The following ATXN7L3 variants were observed in gnomAD, a reference collection of about 807,000 sequenced individuals.
ATXN7L3 encodes the protein ataxin 7 like 3, also known as ataxin-7-like protein 3.
A neutral mutation model predicts 50.0 loss-of-function variants in ATXN7L3; 6 were observed. The observed-to-expected ratio is 0.12, with a 90% confidence interval of 0.07 to 0.24. ATXN7L3 has a LOEUF of 0.24. Among genes scored for constraint, ATXN7L3 ranks in the 10% least tolerant of loss-of-function variants. ATXN7L3 has a pLI of 1.00. For missense variants in ATXN7L3, 322 were observed against 451.3 expected (o/e 0.71, Z 2.60); for synonymous variants, 198 against 165.8 (o/e 1.19, Z -1.49).
intron 1 of ATXN7L3, chr17:44,198,396 C>T (rs1193311703): frequency 3.1e-6 from 1 of 325,514 alleles, no homozygotes; most frequent in African/African-American, 2.2e-5. Flanking sequence ...CCTAGGTCCC[C>T]AAAACTCAAA....
chr17:44,194,717 T>A (rs372462540), intron 11 of ATXN7L3, 43 bp from the exon 12 acceptor site: 3 of 1,613,362 alleles, frequency 1.9e-6, no homozygotes, highest in Non-Finnish European at 2.5e-6. Context: ...GAGATAGTGA[T>A]CATCGCCCTA....
Position 44,198,182 on chromosome 17 carries a change from G to T in ATXN7L3, c.-60-52C>A, listed in dbSNP as rs2055992153. ...TTGTGAGTCCAAGGCACCTCTGAAT[G>T]CGGCCACCTTCCCTCCCCACCTCGC... is the stretch of plus-strand genomic sequence containing the variant. On this transcript the variant is annotated intron_variant, in intron 1 of 12. Transcript: ENST00000587097. The T allele has an allele frequency of 2.9e-6, 3 of 1,026,406 alleles. No homozygotes were observed. In the African/African-American group the frequency reaches 4.8e-5, roughly 16 times the overall value. The allele number at this position is 1,026,406 out of a possible 1,614,324, so 63.6% of individuals were successfully genotyped here. A position where few individuals can be genotyped will look rare whatever the true frequency, so the allele number is the denominator to read the frequency against.
At chr17:44,196,819 C>G in intron 5 of ATXN7L3, 110 bp downstream of exon 5, 1 of 566,640 alleles carries the variant, frequency 1.8e-6, no homozygotes. Context: ...AATCGCGTAA[C>G]TACACTCTCT....
chr17:44,195,651 G>A (rs1363544745), intron 8 of ATXN7L3, 149 bp downstream of exon 8: 6 of 1,171,142 alleles, frequency 5.1e-6, no homozygotes, highest in South Asian at 1.3e-5. Context: ...ATGGATAAGG[G>A]GTGGGACTCA....
chr17:44,195,594 G>T (rs2055855623), intron 8 of ATXN7L3, 107 bp from the exon 9 acceptor site: 6 of 1,308,290 alleles, frequency 4.6e-6, no homozygotes, highest in Non-Finnish European at 6.6e-6. Context: ...TGAGGCTTTA[G>T]AACGACCCTG....
chr17:44,195,899 G>A (rs2055869826), intron 7 of ATXN7L3, 71 bp from the exon 8 acceptor site: 2 of 1,575,604 alleles, frequency 1.3e-6, no homozygotes, highest in Non-Finnish European at 1.7e-6. Flanking sequence ...AAAATAACCA[G>A]AGAGGAAGTG....
intron 5 of ATXN7L3, 109 bp from the exon 6 acceptor site, chr17:44,196,527 C>T (rs994726601): frequency 1.4e-6 from 2 of 1,436,372 alleles, no homozygotes; most frequent in South Asian, 1.2e-5. Flanking sequence ...TGCCTGTAAT[C>T]CCAGCACTTT....
At chr17:44,198,300 G>GA (rs370289575) in intron 1 of ATXN7L3, 170 bp from the exon 2 acceptor site, 18 of 534,722 alleles carry the variant, frequency 3.4e-5, no homozygotes, top group African/African-American at 3.3e-4. Flanking sequence ...GAAACCTAAA[G>GA]GGGGCCTAGT....
intron 8 of ATXN7L3, 100 bp downstream of exon 8, chr17:44,195,700 G>A: frequency 1.5e-6 from 2 of 1,362,026 alleles, no homozygotes; most frequent in East Asian, 2.3e-5. Context: ...TAGCTCATCA[G>A]TGCCTCTGGC....
rs1439548850 is a variant in ATXN7L3 at position 44,199,480 on chromosome 17, TCCGTCC to T, written c.-61+10_-61+15del. On this transcript the variant is annotated intron_variant, in intron 1 of 12. Coordinates refer to ENST00000587097, the MANE Select transcript of ATXN7L3 (RefSeq NM_001382309.1). ...CCCCTCCCCCGTCCCCGTCCCCGTC[TCCGTCC>T]CGTACTCACCCCGCCCGGGGGGCCG... 1.2e-5 allele frequency: 1 copy of T among 80,728 alleles called. No individual in the cohort carries two copies. The highest frequency in any genetic ancestry group is 4.9e-5 in the African/African-American group (1 of 20,582). The allele number at this position is 80,728 out of a possible 1,614,324, so 5.0% of individuals were successfully genotyped here. A position where few individuals can be genotyped will look rare whatever the true frequency, so the allele number is the denominator to read the frequency against.
chr17:44,192,245 C>G lies in ATXN7L3; in HGVS notation c.*2018G>C, dbSNP rs1463088584. On this transcript the variant is annotated 3_prime_UTR_variant, in exon 13 of 13. Transcript: ENST00000587097. ...CCCCAGAAGGAAAAGGGTTTGTTCC[C>G]TCAGGGTCCCTGCTGGACCAAGCCC... 1 of 152,264 alleles carries G rather than the reference C, an allele frequency of 6.6e-6. No homozygotes were observed. Among genetic ancestry groups the G allele is most frequent in the African/African-American group, 2.4e-5 (1 of 41,436 alleles). 9.4% of individuals were successfully genotyped at this position (152,264 alleles called of 1,614,324 possible).
At chr17:44,197,202 A>G in intron 4 of ATXN7L3, 26 bp downstream of exon 4, 1 of 1,578,068 alleles carries the variant, frequency 6.3e-7, no homozygotes, top group Non-Finnish European at 8.6e-7. Context: ...CAGGCTGCAG[A>G]GAACGGGCAG....
At position 44,194,429 on chromosome 17, in the gene ATXN7L3, C is replaced by G; in HGVS notation, c.896-18G>C. On this transcript the variant is annotated intron_variant, in intron 12 of 12. Coordinates refer to ENST00000587097, the MANE Select transcript of ATXN7L3 (RefSeq NM_001382309.1). ...GTTGGTACCTGTAGAGAAAGAGACA[C>G]AAGGGATGAGAGTATGGTTATGGCA... 6.2e-7 allele frequency: 1 copy of G among 1,613,942 alleles called. No individual in the cohort carries two copies. Among genetic ancestry groups the G allele is most frequent in the Non-Finnish European group, 8.5e-7 (1 of 1,179,972 alleles).
chr17:44,197,961 T>C, intron 2 of ATXN7L3, 59 bp downstream of exon 2: 1 of 1,582,496 alleles, frequency 6.3e-7, no homozygotes, highest in South Asian at 1.1e-5. Context: ...GGATGCCAGA[T>C]ACAGCGACGT....
At position 44,197,014 on chromosome 17, in the gene ATXN7L3, G is replaced by A. The variant is rs201547212; in HGVS notation, c.369C>T (p.Ser123=). The A allele has an allele frequency of 2.0e-4, 320 of 1,612,318 alleles. No homozygotes were observed. The highest frequency in any genetic ancestry group is 3.9e-5 in the Non-Finnish European group (46 of 1,178,722). The change falls in exon 5 of 13, where the codon AGC becomes AGT. Residue 123 remains serine, a synonymous_variant. Coordinates refer to ENST00000587097, the MANE Select transcript of ATXN7L3 (RefSeq NM_001382309.1). Reference sequence around the variant, plus strand: ...CACTCTCAGACTTATTCATATTGTTGCTATTGGCAATCCTGCCAAGGGGAG... The same window carrying A: ...CACTCTCAGACTTATTCATATTGTTACTATTGGCAATCCTGCCAAGGGGAG... ...SRIANRRIAN[S]NNMNKSESDQ... is the part of the protein sequence containing the mutation.
intron 11 of ATXN7L3, 42 bp from the exon 12 acceptor site, chr17:44,194,716 ATCATCGC>A: frequency 1.9e-6 from 3 of 1,613,466 alleles, no homozygotes; most frequent in Non-Finnish European, 2.5e-6. Context: ...AGAGATAGTG[ATCATCGC>A]CCTAACTGGT....
At position 44,194,667 on chromosome 17, in the gene ATXN7L3, G is replaced by C; in HGVS notation, c.745C>G (p.Pro249Ala). The change falls in exon 12 of 13, where the codon CCA (proline) becomes GCA (alanine). Residue 249 changes from proline (P) to alanine (A), a missense_variant. By Grantham distance (27) the Pro-to-Ala change is conservative (BLOSUM62 -1). Coordinates refer to ENST00000587097, the MANE Select transcript of ATXN7L3 (RefSeq NM_001382309.1). ...TTATCCAGGGAGCTCTCGACCTCTG[G>C]AAGGACACTGGAAAGGGGATGAGCC... ...IYFLGPSAVL[P>A]EVESSLDNDS... The C allele has an allele frequency of 6.2e-7, 1 of 1,614,104 alleles. No individual in the cohort carries two copies. The highest frequency in any genetic ancestry group is 8.5e-7 in the Non-Finnish European group (1 of 1,179,982).
chr17:44,196,231 C>CCCCCCCCCCA, intron 6 of ATXN7L3, 152 bp from the exon 7 acceptor site: 1 of 792,744 alleles, frequency 1.3e-6, no homozygotes, highest in Non-Finnish European at 2.0e-6. Context: ...TGCCCTCCCC[C>CCCCCCCCCCA]ACCCCCCTTC....
chr17:44,197,177 G>T (rs765345787), intron 4 of ATXN7L3, 51 bp downstream of exon 4: 1 of 1,571,704 alleles, frequency 6.4e-7, no homozygotes, highest in Non-Finnish European at 8.6e-7. Context: ...GCCCCCGGGG[G>T]ACTACACCAT....
Sources: gnomAD v4.1 joint callset for allele counts on GRCh38, gnomAD v4.1.1 for gene constraint, MANE v1.5 for transcripts, NCBI Gene and HGNC (gene_info 2026-07-23, HGNC 2026-07-21) for gene names.